ABL2: variants seen among roughly 807,000 people sequenced by gnomAD.
The protein encoded by ABL2 is ABL proto-oncogene 2, non-receptor tyrosine kinase.
In ABL2, 49 loss-of-function variants were observed where a neutral mutation model predicts 107.7. The ratio of observed to expected loss-of-function variants is 0.45; its 90% confidence interval spans 0.36 to 0.58. ABL2 has a LOEUF of 0.58. Among genes scored for constraint, ABL2 ranks in the 20% least tolerant of loss-of-function variants. ABL2 has a pLI of 0.00. For missense variants in ABL2, 1,245 were observed against 1,457.0 expected (o/e 0.85, Z 2.37); for synonymous variants, 549 against 548.6 (o/e 1.00, Z -0.01).
intron 1 of ABL2, among the ~76,000 whole-genome samples, chr1:179,148,507 C>T (rs1279932729): frequency 6.6e-6 from 1 of 152,158 alleles, no homozygotes; most frequent in Non-Finnish European, 1.5e-5. Flanking sequence ...CAAACTGCGC[C>T]ATAGGAGACA....
intron 1 of ABL2, among the ~76,000 whole-genome samples, chr1:179,196,291 TTAAC>T (rs1296398627): frequency 6.6e-6 from 1 of 152,258 alleles, no homozygotes; most frequent in African/African-American, 2.4e-5. Context: ...TCCTGTCACT[TTAAC>T]TAAAATTACC....
intron 5 of ABL2, 58 bp from the exon 6 acceptor site, chr1:179,120,332 A>G (rs902034271): frequency 2.5e-5 from 27 of 1,083,790 alleles, no homozygotes; most frequent in Non-Finnish European, 3.3e-5. Context: ...CTCAACTTAA[A>G]ATCATTTCAT....
chr1:179,134,581 G>T (rs913517952), intron 1 of ABL2, among the ~76,000 whole-genome samples: 4 of 152,070 alleles, frequency 2.6e-5, no homozygotes, highest in Non-Finnish European at 5.9e-5. Flanking sequence ...ACTTACAGTA[G>T]GAAACACAGG....
chr1:179,210,354 A>G (rs540864155), intron 1 of ABL2, among the ~76,000 whole-genome samples: 303 of 152,084 alleles, frequency 2.0e-3, no homozygotes, highest in Non-Finnish European at 3.1e-3. Context: ...AAAAATACAA[A>G]AATTAGCTGG....
chr1:179,126,716 C>T lies in ABL2; in HGVS notation c.392-44G>A. On this transcript the variant is annotated intron_variant, in intron 3 of 11. Transcript: ENST00000502732. This position sits in a 1 kb window ranked among gnomAD's most constrained non-coding sequence, Gnocchi z 4.4. ...CAGGATGAAAGAAACGATGTTAAGA[C>T]TTTATTTCAACTGAAGCAGTGTACT... 6.5e-7 allele frequency: 1 copy of T among 1,531,262 alleles called. No individual in the cohort carries two copies. The highest frequency in any genetic ancestry group is 8.9e-7 in the Non-Finnish European group (1 of 1,122,588). 94.9% of individuals were successfully genotyped at this position (1,531,262 alleles called of 1,614,324 possible).
chr1:179,220,258 G>C (rs1233591688), intron 1 of ABL2, among the ~76,000 whole-genome samples: 1 of 152,184 alleles, frequency 6.6e-6, no homozygotes, highest in East Asian at 1.9e-4. Context: ...AGTTGTAAAG[G>C]TCAAGTGAGA....
chr1:179,161,001 T>C (rs1179128718), intron 1 of ABL2, among the ~76,000 whole-genome samples: 1 of 152,196 alleles, frequency 6.6e-6, no homozygotes, highest in African/African-American at 2.4e-5. Context: ...CCCAAAGTGC[T>C]GGGATTATAG....
rs1365692139 is a variant in ABL2, at chr1:179,103,462, GAAC to G, written c.*4253_*4255del. ...TATCTCATAGTCATTAAAATAATGTGAACAATAAAGTTTTTTTAAAGAAAAGGG... is the reference window on the plus strand; with the variant it reads ...TATCTCATAGTCATTAAAATAATGTGAATAAAGTTTTTTTAAAGAAAAGGG... On this transcript the variant is annotated 3_prime_UTR_variant, in exon 12 of 12. Coordinates refer to ENST00000502732, the MANE Select transcript of ABL2 (RefSeq NM_007314.4). The G allele has an allele frequency of 1.5e-5, 3 of 204,828 alleles. No homozygotes were observed. The highest frequency in any genetic ancestry group is 7.5e-5 in the East Asian group (1 of 13,322). 12.7% of individuals were successfully genotyped at this position (204,828 alleles called of 1,614,324 possible).
intron 1 of ABL2, among the ~76,000 whole-genome samples, chr1:179,145,093 A>G (rs10913700): frequency 6.6e-6 from 1 of 152,154 alleles, no homozygotes. Flanking sequence ...AAATGTTGAT[A>G]TATGCTACAA....
At position 179,228,895 on chromosome 1, in the gene ABL2, A is replaced by G. The variant is rs570695306; in HGVS notation, c.157+346T>C. Among the ~76,000 whole-genome samples, 3 of 152,136 alleles carry G rather than the reference A, an allele frequency of 2.0e-5. No individual in the cohort carries two copies. The East Asian group carries it at 5.8e-4, about 29-fold the overall frequency. On this transcript the variant is annotated intron_variant, in intron 1 of 11. Coordinates refer to ENST00000502732, the MANE Select transcript of ABL2 (RefSeq NM_007314.4). Reference sequence around the variant, plus strand: ...ACGGGTTTATGCTCCCACCTCTGGGACTGAGCTAATACTGCCCTTCATCCT... The same window carrying G: ...ACGGGTTTATGCTCCCACCTCTGGGGCTGAGCTAATACTGCCCTTCATCCT...
At position 179,103,484 on chromosome 1, in the gene ABL2, A is replaced by G. The variant is rs901892556; in HGVS notation, c.*4234T>C. 5.3e-5 allele frequency: 11 copies of G among 206,210 alleles called. No homozygotes were observed. Among genetic ancestry groups the G allele is most frequent in the African/African-American group, 2.6e-4 (11 of 42,016 alleles). The allele number at this position is 206,210 out of a possible 1,614,324, so 12.8% of individuals were successfully genotyped here. On this transcript the variant is annotated 3_prime_UTR_variant, in exon 12 of 12. Coordinates refer to ENST00000502732, the MANE Select transcript of ABL2 (RefSeq NM_007314.4). ...TGTGAACAATAAAGTTTTTTTAAAG[A>G]AAAGGGAATGTAGGACTAACTAGGT...
intron 1 of ABL2, among the ~76,000 whole-genome samples, chr1:179,181,157 C>T (rs147455213): frequency 5.9e-5 from 9 of 152,284 alleles, no homozygotes; most frequent in East Asian, 3.9e-4. Context: ...CATTATGAAA[C>T]GGAGTTTAAA....
rs775852293 is a variant in ABL2, at chr1:179,109,267, T to TTGGGGGG, written c.1993_1999dup (p.Lys667ThrfsTer17). On this transcript the variant is annotated frameshift_variant, in exon 12 of 12. Coordinates refer to ENST00000502732, the MANE Select transcript of ABL2 (RefSeq NM_007314.4). LOFTEE classifies it high-confidence loss of function. ...CATTTCTCGGAAGGAGCTGCTGCGTTTGGGGGGTGTAGGAGCATTTCTCTT... is the reference window on the plus strand; with the variant it reads ...CATTTCTCGGAAGGAGCTGCTGCGTTTGGGGGGTGGGGGGTGTAGGAGCATTTCTCTT... 6.3e-5 allele frequency: 102 copies of TTGGGGGG among 1,614,016 alleles called. No individual in the cohort carries two copies. The highest frequency in any genetic ancestry group is 9.3e-6 in the Non-Finnish European group (11 of 1,180,020).
At position 179,131,423 on chromosome 1, in the gene ABL2, GA is replaced by G; in HGVS notation, c.278del (p.Ile93ThrfsTer27). On this transcript the variant is annotated frameshift_variant, in exon 3 of 12. Transcript: ENST00000502732. LOFTEE classifies it high-confidence loss of function. ...DVEPQALNEA[I>X]RWSSKENLLG... Reference sequence around the variant, plus strand: ...GCAAGTTCTCCTTGGAGCTCCACCTGATAGCCTCATTTAGTGCCTGGGGTTC... The same window carrying G: ...GCAAGTTCTCCTTGGAGCTCCACCTGTAGCCTCATTTAGTGCCTGGGGTTC... 6.2e-7 allele frequency: 1 copy of G among 1,614,098 alleles called. No homozygotes were observed. The highest frequency in any genetic ancestry group is 1.1e-5 in the South Asian group (1 of 91,078).
At chr1:179,226,344 C>T (rs767392332) in intron 1 of ABL2, among the ~76,000 whole-genome samples, 25 of 139,146 alleles carry the variant, frequency 1.8e-4, no homozygotes, top group Middle Eastern at 4.1e-3. Context: ...GACAGAGTCT[C>T]GCTCTGTCAC....
chr1:179,215,123 G>A lies in ABL2; in HGVS notation c.157+14118C>T, dbSNP rs1031790487. 2.0e-5 allele frequency among the ~76,000 whole-genome samples: 3 copies of A among 151,496 alleles called. 1 individual carries two copies. The highest frequency in any genetic ancestry group is 4.2e-4 in the South Asian group (2 of 4,780). ...TGCAATGAGCCGAGATCATACCACT[G>A]CACTCCAGCCTAGGCAACAGAATAA... On this transcript the variant is annotated intron_variant, in intron 1 of 11. Coordinates refer to ENST00000502732, the MANE Select transcript of ABL2 (RefSeq NM_007314.4).
At chr1:179,113,252 T>A (rs900005830) in intron 9 of ABL2, among the ~76,000 whole-genome samples, 6 of 152,314 alleles carry the variant, frequency 3.9e-5, no homozygotes, top group African/African-American at 1.4e-4. Context: ...CGATTTAGCC[T>A]CAGCTCCTAT....
At chr1:179,221,784 G>A in intron 1 of ABL2, 1 of 218,062 alleles carries the variant, frequency 4.6e-6, no homozygotes, top group Non-Finnish European at 9.3e-6. Flanking sequence ...TTCCCATAGA[G>A]GATTTTACCA....
chr1:179,202,407 C>A (rs1426565450), intron 1 of ABL2, among the ~76,000 whole-genome samples: 1 of 152,176 alleles, frequency 6.6e-6, no homozygotes, highest in Non-Finnish European at 1.5e-5. Context: ...TTGCTGTCCT[C>A]CTACACATTT....
Sources: allele counts gnomAD v4.1 joint callset (sites outside exome capture counted in the v4.1 genomes callset), GRCh38; gene constraint gnomAD v4.1.1; non-coding constraint Gnocchi (gnomAD v3.1); transcripts MANE v1.5; gene names NCBI Gene and HGNC (gene_info 2026-07-23, HGNC 2026-07-21).